Variants in PNKD observed in about 807,000 individuals in gnomAD.
The protein encoded by PNKD is PNKD metallo-beta-lactamase domain containing.
A neutral mutation model predicts 45.3 loss-of-function variants in PNKD; 36 were observed. The observed-to-expected ratio is 0.80, with a 90% CI of 0.61 to 1.05. The LOEUF (loss-of-function observed/expected upper bound fraction) is 1.05, where lower values mean the gene tolerates loss of function less well. Ranked by LOEUF, PNKD falls within the 50% of genes least tolerant of loss-of-function variation. The probability of loss-of-function intolerance (pLI) is 0.00; values close to 1 mark genes in which losing one functional copy is unlikely to be tolerated. For missense variants in PNKD, 511 were observed against 506.6 expected (o/e 1.01, Z -0.08); for synonymous variants, 197 against 210.1 (o/e 0.94, Z 0.54).
chr2:218,299,478 G>A (rs549790606), intron 2 of PNKD, among the ~76,000 whole-genome samples: 4 of 151,794 alleles, frequency 2.6e-5, no homozygotes, highest in Admixed American at 1.3e-4. Flanking sequence ...ACAGGGTTTC[G>A]CTCTCACCCA....
intron 2 of PNKD, chr2:218,275,316 C>T: frequency 1.6e-5 from 15 of 954,690 alleles, no homozygotes; most frequent in Non-Finnish European, 2.1e-5. Context: ...CCCACACATC[C>T]ATAGCCAGAG....
intron 2 of PNKD, chr2:218,282,065 T>C (rs1396594987): frequency 8.2e-6 from 13 of 1,594,118 alleles, no homozygotes; most frequent in East Asian, 2.3e-5. Context: ...TGGCTGCCCA[T>C]AGCCCCCAGG....
At chr2:218,291,598 G>A (rs1281361797) in intron 2 of PNKD, among the ~76,000 whole-genome samples, 1 of 152,142 alleles carries the variant, frequency 6.6e-6, no homozygotes, top group East Asian at 1.9e-4. Flanking sequence ...ACAGAGGAGG[G>A]AGAGGAGATG....
intron 2 of PNKD, chr2:218,323,441 C>G: frequency 2.8e-6 from 4 of 1,449,356 alleles, no homozygotes; most frequent in Non-Finnish European, 3.7e-6. Flanking sequence ...GGTTAGTGCC[C>G]GGGCTCCGAA....
intron 2 of PNKD, among the ~76,000 whole-genome samples, chr2:218,312,906 T>C (rs1257928755): frequency 6.6e-6 from 1 of 151,926 alleles, no homozygotes; most frequent in African/African-American, 2.4e-5. Flanking sequence ...TCTATCAATG[T>C]ATGAGCATTA....
At chr2:218,334,394 A>G (rs997221320) in intron 2 of PNKD, among the ~76,000 whole-genome samples, 1 of 152,138 alleles carries the variant, frequency 6.6e-6, no homozygotes, top group Non-Finnish European at 1.5e-5. Context: ...CCAGTCTGGG[A>G]CAGTTTCTCA....
At chr2:218,318,946 TTTTC>T (rs1207338604) in intron 2 of PNKD, among the ~76,000 whole-genome samples, 1 of 122,486 alleles carries the variant, frequency 8.2e-6, no homozygotes, top group African/African-American at 3.6e-5. Context: ...TTCTTTTTTT[TTTTC>T]TTTTTTTTTT....
chr2:218,278,925 T>G (rs1574634215), intron 2 of PNKD: 2 of 1,261,050 alleles, frequency 1.6e-6, no homozygotes, highest in East Asian at 4.8e-5. Context: ...TGGCACCAAC[T>G]TGGGGGCCCT....
At chr2:218,273,031 TC>T (rs919496384) in intron 2 of PNKD, 1 of 998,326 alleles carries the variant, frequency 1.0e-6, no homozygotes, top group Admixed American at 3.2e-5. Context: ...CTCACAGAGC[TC>T]AGTGTTCCCA....
chr2:218,315,247 T>C (rs1252152690), intron 2 of PNKD, among the ~76,000 whole-genome samples: 1 of 151,592 alleles, frequency 6.6e-6, no homozygotes, highest in East Asian at 1.9e-4. Flanking sequence ...GTTCAAGCTA[T>C]TCTCCTGCCC....
At chr2:218,275,489 C>T in intron 2 of PNKD, 1 of 1,613,618 alleles carries the variant, frequency 6.2e-7, no homozygotes, top group Admixed American at 1.7e-5. Flanking sequence ...TTGCGATCCC[C>T]CATCAGCTGC....
At chr2:218,281,742 A>G (rs758874064) in intron 2 of PNKD, among the ~76,000 whole-genome samples, 1 of 152,206 alleles carries the variant, frequency 6.6e-6, no homozygotes, top group Non-Finnish European at 1.5e-5. Flanking sequence ...CAAAGGGGGC[A>G]GCAAGTGGCT....
intron 2 of PNKD, among the ~76,000 whole-genome samples, chr2:218,283,489 G>A (rs925727794): frequency 6.6e-6 from 1 of 152,134 alleles, no homozygotes; most frequent in Admixed American, 6.5e-5. Flanking sequence ...TGCATCCCCA[G>A]TAAGGACAAG....
At chr2:218,341,756 C>G in intron 6 of PNKD, 130 bp downstream of exon 6, 2 of 801,898 alleles carry the variant, frequency 2.5e-6, no homozygotes, top group South Asian at 1.5e-5. Context: ...CCAATCCCAG[C>G]CTATCTGAAG....
At chr2:218,343,720 T>G in intron 8 of PNKD, 134 bp downstream of exon 8, 1 of 702,128 alleles carries the variant, frequency 1.4e-6, no homozygotes, top group Non-Finnish European at 2.6e-6. Flanking sequence ...GCTCCACCTC[T>G]AGGGGTAGGG....
intron 8 of PNKD, 81 bp downstream of exon 8, chr2:218,343,667 C>G: frequency 9.3e-7 from 1 of 1,076,108 alleles, no homozygotes; most frequent in Non-Finnish European, 1.4e-6. Context: ...CCTCACTCCC[C>G]TAGAAAGCAG....
At chr2:218,302,329 C>T (rs1693292933) in intron 2 of PNKD, among the ~76,000 whole-genome samples, 1 of 152,220 alleles carries the variant, frequency 6.6e-6, no homozygotes, top group Non-Finnish European at 1.5e-5. Flanking sequence ...GCCTGAGCAA[C>T]AGAGTGAGAC....
chr2:218,297,054 C>T (rs1161207821), intron 2 of PNKD, among the ~76,000 whole-genome samples: 1 of 152,210 alleles, frequency 6.6e-6, no homozygotes, highest in Non-Finnish European at 1.5e-5. Context: ...GCCTGTTTCT[C>T]CCCACTGGAG....
intron 2 of PNKD, among the ~76,000 whole-genome samples, chr2:218,306,550 T>C (rs1027149196): frequency 8.5e-5 from 13 of 152,150 alleles, no homozygotes; most frequent in Non-Finnish European, 1.8e-4. Flanking sequence ...TACCAGTCCC[T>C]CGTGGAGAGA....
Sources: allele counts gnomAD v4.1 joint callset (sites outside exome capture counted in the v4.1 genomes callset), GRCh38; gene constraint gnomAD v4.1.1; transcripts MANE v1.5; gene names NCBI Gene and HGNC (gene_info 2026-07-23, HGNC 2026-07-21).